The following GSTCD variants were observed in gnomAD, a reference collection of about 807,000 sequenced individuals.
The protein encoded by GSTCD is glutathione S-transferase C-terminal domain containing.
GSTCD carries 44 observed loss-of-function variants against 68.3 expected under a neutral mutation model. That is an observed-to-expected ratio of 0.64 (90% CI 0.51 to 0.83). GSTCD has a LOEUF of 0.83. Among genes scored for constraint, GSTCD ranks in the 40% least tolerant of loss-of-function variants. GSTCD has a pLI of 0.00. For missense variants in GSTCD, 739 were observed against 735.9 expected, an observed-to-expected ratio of 1.00 and a Z score of -0.05; for synonymous variants, 273 against 255.2, an observed-to-expected ratio of 1.07 and a Z score of -0.67.
At chr4:105,789,037 C>A (rs538122812) in intron 5 of GSTCD, among the ~76,000 whole-genome samples, 1 of 152,102 alleles carries the variant, frequency 6.6e-6, no homozygotes, top group Non-Finnish European at 1.5e-5. Flanking sequence ...AAATCTTGAA[C>A]CTTATTTAAA....
At chr4:105,764,262 T>C (rs772798592) in intron 5 of GSTCD, among the ~76,000 whole-genome samples, 45 of 152,184 alleles carry the variant, frequency 3.0e-4, no homozygotes, top group Non-Finnish European at 1.3e-4. Flanking sequence ...TATTTTATGT[T>C]GTTATATATC....
At chr4:105,776,957 A>G (rs1399908853) in intron 5 of GSTCD, among the ~76,000 whole-genome samples, 1 of 152,140 alleles carries the variant, frequency 6.6e-6, no homozygotes, top group Non-Finnish European at 1.5e-5. Context: ...ACTACCTGCC[A>G]TTCTCCATTC....
intron 5 of GSTCD, among the ~76,000 whole-genome samples, chr4:105,821,360 G>A (rs1426724034): frequency 6.6e-6 from 1 of 151,752 alleles, no homozygotes; most frequent in Admixed American, 6.6e-5. Context: ...AAGTTGTCAT[G>A]ACAAAAATCT....
At chr4:105,780,878 ATAT>A (rs1735250344) in intron 5 of GSTCD, among the ~76,000 whole-genome samples, 1 of 152,164 alleles carries the variant, frequency 6.6e-6, no homozygotes, top group African/African-American at 2.4e-5. Flanking sequence ...AAAAGTCAAG[ATAT>A]TATTATGTTG....
At chr4:105,786,996 G>A (rs1359438978) in intron 5 of GSTCD, among the ~76,000 whole-genome samples, 3 of 151,942 alleles carry the variant, frequency 2.0e-5, no homozygotes, top group African/African-American at 7.3e-5. Context: ...TTACACCCAC[G>A]AGAATTGAAA....
intron 1 of GSTCD, among the ~76,000 whole-genome samples, chr4:105,713,110 A>T (rs1578402435): frequency 6.6e-6 from 1 of 152,328 alleles, no homozygotes; most frequent in East Asian, 1.9e-4. Context: ...ATATTGTAGG[A>T]TAAGTATTGC....
intron 5 of GSTCD, among the ~76,000 whole-genome samples, chr4:105,791,526 A>G (rs1735675512): frequency 6.6e-6 from 1 of 152,152 alleles, no homozygotes; most frequent in African/African-American, 2.4e-5. Context: ...TCAGTGCAAA[A>G]GTTACCTTTT....
chr4:105,824,967 T>C (rs1450399488), intron 7 of GSTCD, among the ~76,000 whole-genome samples: 2 of 152,204 alleles, frequency 1.3e-5, no homozygotes, highest in African/African-American at 4.8e-5. Flanking sequence ...AATATGTTAC[T>C]TCCCCATGAA....
chr4:105,765,805 T>C (rs1009929118), intron 5 of GSTCD, among the ~76,000 whole-genome samples: 3 of 152,186 alleles, frequency 2.0e-5, no homozygotes, highest in African/African-American at 7.2e-5. Context: ...CTGATGGTTT[T>C]ATAAGGGGCT....
chr4:105,709,965 G>GTT (rs142497611), intron 1 of GSTCD, among the ~76,000 whole-genome samples: 1 of 150,620 alleles, frequency 6.6e-6, no homozygotes, highest in Non-Finnish European at 1.5e-5. Context: ...AGCTATGCGG[G>GTT]TTTTTTTTTC....
At chr4:105,772,136 A>G (rs1734874131) in intron 5 of GSTCD, among the ~76,000 whole-genome samples, 1 of 152,206 alleles carries the variant, frequency 6.6e-6, no homozygotes, top group Non-Finnish European at 1.5e-5. Flanking sequence ...AGCAATTGTG[A>G]ATGGGAGTTC....
chr4:105,732,656 G>T (rs956246876), intron 5 of GSTCD, among the ~76,000 whole-genome samples: 1 of 151,974 alleles, frequency 6.6e-6, no homozygotes, highest in Non-Finnish European at 1.5e-5. Context: ...TGGATTCATT[G>T]ATTTTTTGAA....
chr4:105,718,763 T>A (rs1356274333), intron 2 of GSTCD, among the ~76,000 whole-genome samples: 3 of 152,186 alleles, frequency 2.0e-5, no homozygotes, highest in Non-Finnish European at 4.4e-5. Context: ...CAAATAGCAA[T>A]GCTTTGGAAG....
intron 5 of GSTCD, among the ~76,000 whole-genome samples, chr4:105,746,952 T>G (rs1463318874): frequency 6.6e-6 from 1 of 152,194 alleles, no homozygotes; most frequent in African/African-American, 2.4e-5. Flanking sequence ...GCAGCACCCC[T>G]TCTTTCTTCT....
intron 5 of GSTCD, among the ~76,000 whole-genome samples, chr4:105,794,223 G>C (rs1735784647): frequency 6.6e-6 from 1 of 152,042 alleles, no homozygotes; most frequent in African/African-American, 2.4e-5. Context: ...TATGGAGACA[G>C]TGAAAAGATC....
At chr4:105,755,230 T>G (rs1427150231) in intron 5 of GSTCD, among the ~76,000 whole-genome samples, 1 of 150,268 alleles carries the variant, frequency 6.7e-6, no homozygotes, top group Non-Finnish European at 1.5e-5. Flanking sequence ...TGGGTAACAG[T>G]GAGACCCTGT....
chr4:105,734,046 T>G (rs892298102), intron 5 of GSTCD, among the ~76,000 whole-genome samples: 1 of 152,256 alleles, frequency 6.6e-6, no homozygotes, highest in East Asian at 1.9e-4. Context: ...GGATTTCTGC[T>G]GAGAGATCAG....
chr4:105,838,651 G>A lies in GSTCD; in HGVS notation c.1695+762G>A, dbSNP rs564160187. Among the ~76,000 whole-genome samples the A allele has an allele frequency of 3.3e-3, 504 of 152,322 alleles. 4 individuals carry two copies. Among genetic ancestry groups the A allele is most frequent in the African/African-American group, 0.011 (472 of 41,584 alleles). On this transcript the variant is annotated intron_variant, in intron 10 of 11. Transcript: ENST00000515279. ...CATGAAGAAACACAAGAGACCCACA[G>A]AGAATTGTCTTCCAAAAGTAGTCAG...
rs1578418832 is a variant in GSTCD, at chr4:105,733,119, A to G, written c.1240+3620A>G. On this transcript the variant is annotated intron_variant, in intron 5 of 11. Transcript: ENST00000515279. The stretch of plus-strand genomic sequence containing the variant: ...TGCTTTACTTCCAACTATGTGGTCA[A>G]TTTTGGAATAAGTGTGGTGTGGTGC... Among the ~76,000 whole-genome samples, 7 of 152,282 alleles carry G rather than the reference A, an allele frequency of 4.6e-5. 1 individual carries two copies.
Sources: gnomAD v4.1 joint callset for allele counts (sites outside exome capture counted in the v4.1 genomes callset) on GRCh38, gnomAD v4.1.1 for gene constraint, MANE v1.5 for transcripts, NCBI Gene and HGNC (gene_info 2026-07-23, HGNC 2026-07-21) for gene names.